UNC13C: variants seen among roughly 807,000 people sequenced by gnomAD.
The protein encoded by UNC13C is unc-13 homolog C.
A neutral mutation model predicts 245.4 loss-of-function variants in UNC13C; 174 were observed. The ratio of observed to expected loss-of-function variants is 0.71; its 90% CI spans 0.63 to 0.80. The LOEUF is 0.80. UNC13C is among the 30% of genes least tolerant of loss of function. UNC13C has a pLI of 0.00. For synonymous variants in UNC13C, 992 were observed against 895.1 expected (o/e 1.11, Z -1.93); for missense variants, 2,829 against 2,602.9 (o/e 1.09, Z -1.89).
Position 54,411,627 on chromosome 15 carries a change from CATT to C in UNC13C, c.4848-3354_4848-3352del, listed in dbSNP as rs2040418264. On this transcript the variant is annotated intron_variant, in intron 18 of 32. Coordinates refer to ENST00000260323, the MANE Select transcript of UNC13C (RefSeq NM_001080534.3). ...CTTTCTTCACTGACATACTGTTACA[CATT>C]GTTGAAAATTAGCCACTCTTGTAAG... Among the ~76,000 whole-genome samples, 5 of 152,026 alleles carry C rather than the reference CATT, an allele frequency of 3.3e-5. 1 individual carries two copies. Among genetic ancestry groups the C allele is most frequent in the Admixed American group, 3.3e-4 (5 of 15,270 alleles).
At chr15:54,459,559 A>G (rs1891725193) in intron 19 of UNC13C, among the ~76,000 whole-genome samples, 1 of 152,076 alleles carries the variant, frequency 6.6e-6, no homozygotes, top group South Asian at 2.1e-4. Context: ...GTTTAACATA[A>G]TCCCAAATTT....
At chr15:54,155,769 G>A (rs1312286487) in intron 4 of UNC13C, among the ~76,000 whole-genome samples, 1 of 152,164 alleles carries the variant, frequency 6.6e-6, no homozygotes, top group Non-Finnish European at 1.5e-5. Flanking sequence ...GGAGTTCTCA[G>A]TGCAGACTTT....
chr15:53,926,524 G>T, the UNC13C span, among the ~76,000 whole-genome samples: 8 of 152,134 alleles, frequency 5.3e-5, no homozygotes, highest in Non-Finnish European at 1.0e-4. Flanking sequence ...AGAAATATTT[G>T]TTGTATCCTA....
chr15:54,580,364 A>T (rs1472353220), intron 30 of UNC13C, among the ~76,000 whole-genome samples: 1 of 152,242 alleles, frequency 6.6e-6, no homozygotes, highest in East Asian at 1.9e-4. Flanking sequence ...AAATGGCATA[A>T]AAATAGTAAA....
At chr15:54,115,372 C>T (rs1048762361) in intron 2 of UNC13C, among the ~76,000 whole-genome samples, 1 of 152,084 alleles carries the variant, frequency 6.6e-6, no homozygotes, top group African/African-American at 2.4e-5. Flanking sequence ...TTGCATCCTT[C>T]ACTGTGGTTT....
chr15:54,355,337 A>G (rs1420018185), intron 17 of UNC13C, among the ~76,000 whole-genome samples: 2 of 152,062 alleles, frequency 1.3e-5, no homozygotes, highest in Non-Finnish European at 2.9e-5. Flanking sequence ...TTATCTCTGA[A>G]TTAATCTTGA....
chr15:54,187,303 CAAG>C (rs1310615857), intron 4 of UNC13C, among the ~76,000 whole-genome samples: 3 of 152,132 alleles, frequency 2.0e-5, no homozygotes, highest in Non-Finnish European at 4.4e-5. Flanking sequence ...TCTTGCTCCA[CAAG>C]AAGATGTTCT....
At position 54,143,006 on chromosome 15, in the gene UNC13C, A is replaced by T; in HGVS notation, c.2984-12A>T. ...CTAACATTTATCCCTTCTTTTCCTG[A>T]TTCTCTTTCAGATAGCAGTTCTGTG... On this transcript the variant is annotated splice_polypyrimidine_tract_variant and intron_variant, in intron 2 of 32. Transcript: ENST00000260323. 1 of 1,611,382 alleles carries T rather than the reference A, an allele frequency of 6.2e-7. No homozygotes were observed. Among genetic ancestry groups the T allele is most frequent in the Admixed American group, 1.7e-5 (1 of 60,000 alleles).
the UNC13C span, among the ~76,000 whole-genome samples, chr15:53,933,627 A>G: frequency 6.6e-6 from 1 of 152,152 alleles, no homozygotes; most frequent in Non-Finnish European, 1.5e-5. Context: ...ACGCACAGTT[A>G]GCATGCTGTA....
intron 2 of UNC13C, among the ~76,000 whole-genome samples, chr15:54,081,289 G>A (rs981024965): frequency 6.6e-6 from 1 of 152,098 alleles, no homozygotes; most frequent in African/African-American, 2.4e-5. Context: ...ATGTTCTGTA[G>A]ATGCCTATTA....
chr15:54,067,142 CTG>C (rs2141090437), intron 2 of UNC13C, among the ~76,000 whole-genome samples: 1 of 152,178 alleles, frequency 6.6e-6, no homozygotes, highest in East Asian at 1.9e-4. Flanking sequence ...TGATGACTGA[CTG>C]TTTTTTTAAT....
chr15:54,280,837 G>A (rs983729304), intron 10 of UNC13C, among the ~76,000 whole-genome samples: 5 of 149,100 alleles, frequency 3.4e-5, no homozygotes, highest in African/African-American at 7.4e-5. Flanking sequence ...TCACTCTGTC[G>A]CCCAGGCTAG....
At chr15:54,125,029 G>A (rs1164126376) in intron 2 of UNC13C, among the ~76,000 whole-genome samples, 2 of 152,042 alleles carry the variant, frequency 1.3e-5, no homozygotes, top group African/African-American at 4.8e-5. Context: ...ACACAGTCTT[G>A]GTTGCTATAA....
chr15:54,405,678 T>C (rs545787022), intron 18 of UNC13C, among the ~76,000 whole-genome samples: 2 of 152,278 alleles, frequency 1.3e-5, no homozygotes, highest in South Asian at 2.1e-4. Context: ...TACCCAGAAA[T>C]TGATAAAATC....
chr15:54,374,176 G>C (rs2039554571), intron 17 of UNC13C, among the ~76,000 whole-genome samples: 1 of 152,140 alleles, frequency 6.6e-6, no homozygotes, highest in Admixed American at 6.5e-5. Context: ...TTAGTTCATG[G>C]GTGGCTATGA....
chr15:54,331,588 C>T (rs1399171848), intron 14 of UNC13C, among the ~76,000 whole-genome samples: 4 of 152,048 alleles, frequency 2.6e-5, no homozygotes, highest in African/African-American at 9.7e-5. Flanking sequence ...CACCTGCTCC[C>T]ACTTCCGTAG....
intron 17 of UNC13C, among the ~76,000 whole-genome samples, chr15:54,379,974 A>C (rs184490533): frequency 2.6e-5 from 4 of 152,098 alleles, no homozygotes. Flanking sequence ...TCACATAGTT[A>C]TTATTTCTAT....
At chr15:54,299,168 A>G (rs2140944154) in intron 12 of UNC13C, among the ~76,000 whole-genome samples, 1 of 152,296 alleles carries the variant, frequency 6.6e-6, no homozygotes, top group Non-Finnish European at 1.5e-5. Context: ...GCAGTCAGAG[A>G]AACAGCAGTA....
At position 54,413,661 on chromosome 15, in the gene UNC13C, C is replaced by T. The variant is rs1474527557; in HGVS notation, c.4848-1321C>T. On this transcript the variant is annotated intron_variant, in intron 18 of 32. Coordinates refer to ENST00000260323, the MANE Select transcript of UNC13C (RefSeq NM_001080534.3). The stretch of plus-strand genomic sequence containing the variant: ...TTATTAGACAAATTGATAAAATTGG[C>T]AGTCAGTAAGGGAAACTGATGCAAC... Among the ~76,000 whole-genome samples, 5 of 152,072 alleles carry T rather than the reference C, an allele frequency of 3.3e-5. No homozygotes were observed. In the South Asian group the frequency reaches 1.0e-3, roughly 31 times the overall value.
Sources: gnomAD v4.1 joint callset for allele counts (sites outside exome capture counted in the v4.1 genomes callset) on GRCh38, gnomAD v4.1.1 for gene constraint, MANE v1.5 for transcripts, NCBI Gene and HGNC (gene_info 2026-07-23, HGNC 2026-07-21) for gene names.